Variants in ZNF608 observed in about 807,000 individuals in gnomAD.
ZNF608 encodes zinc finger protein 608.
In ZNF608, 12 loss-of-function variants were observed where a neutral mutation model predicts 109.0. The ratio of observed to expected loss-of-function variants is 0.11; its 90% CI spans 0.07 to 0.18. ZNF608 has a LOEUF of 0.18. Ranked by LOEUF, ZNF608 falls within the 10% of genes least tolerant of loss-of-function variation. The pLI is 1.00. For missense variants in ZNF608, 1,707 were observed against 1,879.3 expected (o/e 0.91, Z 1.70); for synonymous variants, 732 against 717.4 (o/e 1.02, Z -0.33).
At chr5:124,641,875 C>T (rs533972634) in intron 7 of ZNF608, among the ~76,000 whole-genome samples, 5 of 152,216 alleles carry the variant, frequency 3.3e-5, no homozygotes, top group East Asian at 1.9e-4. Flanking sequence ...AAGTTATATG[C>T]CAATATAAAG....
At chr5:124,654,724 TGTG>T (rs1434188641) in intron 3 of ZNF608, among the ~76,000 whole-genome samples, 1 of 152,220 alleles carries the variant, frequency 6.6e-6, no homozygotes. Flanking sequence ...AACTGATGAA[TGTG>T]GGCCACTTCC....
At position 124,649,712 on chromosome 5, in the gene ZNF608, G is replaced by A; in HGVS notation, c.1163-15C>T. 6.6e-7 allele frequency: 1 copy of A among 1,511,440 alleles called. No individual in the cohort carries two copies. Among genetic ancestry groups the A allele is most frequent in the Non-Finnish European group, 9.0e-7 (1 of 1,107,824 alleles). 93.6% of individuals were successfully genotyped at this position (1,511,440 alleles called of 1,614,324 possible). A position where few individuals can be genotyped will look rare whatever the true frequency, so the allele number is the denominator to read the frequency against. The stretch of plus-strand genomic sequence containing the variant: ...CACTAGGACACCTGCAGGAGGCAGG[G>A]GATGAAAAAGGATCATAGTTACCAC... On this transcript the variant is annotated splice_polypyrimidine_tract_variant and intron_variant, in intron 3 of 9. Transcript: ENST00000513986.
chr5:124,708,733 C>A (rs905811368), intron 2 of ZNF608: 3 of 456,170 alleles, frequency 6.6e-6, no homozygotes, highest in South Asian at 1.5e-5. Context: ...ACCAACCCTG[C>A]CCTCAAGTGC....
chr5:124,679,000 C>A (rs959487825), intron 3 of ZNF608, among the ~76,000 whole-genome samples: 1 of 152,182 alleles, frequency 6.6e-6, no homozygotes, highest in African/African-American at 2.4e-5. Context: ...GAAAACAATT[C>A]CACTGTGAGC....
In ZNF608 at chr5:124,644,649, T is replaced by C. The variant is rs746886767; in HGVS notation, c.3718A>G (p.Arg1240Gly). ...TGGTATACATAATGATGCCATGTTC[T>C]TGAATCTGGGTCCTGATTTTTTTGT... is the stretch of plus-strand genomic sequence containing the variant. ...TSRFKQDPDSRTWHHYVYQPK... is the reference protein window; with the variant it reads ...TSRFKQDPDSGTWHHYVYQPK... Residue 1240 changes from arginine to glycine, a missense_variant, in exon 6 of 10, where the codon AGA becomes GGA. Arg to Gly is a moderately radical substitution (Grantham distance 125). Around this residue, in one of 7 missense-constraint regions of ZNF608, gnomAD observed 1,073 missense variants for 1,133.5 expected, o/e 0.95. Coordinates refer to ENST00000513986, the MANE Select transcript of ZNF608 (RefSeq NM_020747.3). The C allele has an allele frequency of 3.9e-6, 6 of 1,542,356 alleles. No homozygotes were observed. In the South Asian group the frequency reaches 5.0e-5, roughly 13 times the overall value.
intron 3 of ZNF608, among the ~76,000 whole-genome samples, chr5:124,700,152 T>C (rs1299198468): frequency 6.6e-6 from 1 of 152,218 alleles, no homozygotes; most frequent in East Asian, 1.9e-4. Flanking sequence ...TGGAGCATGC[T>C]TCTTCCTTAT....
At chr5:124,665,179 CCA>C in intron 3 of ZNF608, among the ~76,000 whole-genome samples, 1 of 142,930 alleles carries the variant, frequency 7.0e-6, no homozygotes, top group Admixed American at 6.8e-5. Flanking sequence ...CCACCTCCCC[CCA>C]AAAAAAAAAA....
chr5:124,681,132 G>A (rs1752179538), intron 3 of ZNF608, among the ~76,000 whole-genome samples: 1 of 152,108 alleles, frequency 6.6e-6, no homozygotes, highest in Non-Finnish European at 1.5e-5. Context: ...TTCAACAAGA[G>A]GACCAAGCTC....
intron 3 of ZNF608, among the ~76,000 whole-genome samples, chr5:124,663,003 T>C (rs1460756746): frequency 1.3e-5 from 2 of 152,234 alleles, no homozygotes; most frequent in African/African-American, 4.8e-5. Context: ...GATTAGTATA[T>C]AGGGCAGGAA....
chr5:124,706,245 G>C (rs1023417459), intron 2 of ZNF608, among the ~76,000 whole-genome samples: 6 of 152,202 alleles, frequency 3.9e-5, no homozygotes, highest in Non-Finnish European at 8.8e-5. Flanking sequence ...TGGGGAATCA[G>C]TGCCTTCATC....
chr5:124,647,950 TTTTGTC>T lies in ZNF608; in HGVS notation c.2428_2433del (p.Asp810_Lys811del). The T allele has an allele frequency of 3.1e-6, 5 of 1,614,112 alleles. No homozygotes were observed. Among genetic ancestry groups the T allele is most frequent in the Non-Finnish European group, 4.2e-6 (5 of 1,180,012 alleles). ...TTTAGCTTTCGCTTCTCCTTTTTCTTTTTGTCTTTGAGTGACACCAGAGCTGGGTTC... is the reference window on the plus strand; with the variant it reads ...TTTAGCTTTCGCTTCTCCTTTTTCTTTTTGAGTGACACCAGAGCTGGGTTC... On this transcript the variant is annotated inframe_deletion, in exon 5 of 10. Transcript: ENST00000513986.
intron 3 of ZNF608, 147 bp downstream of exon 3, chr5:124,700,866 TA>T: frequency 4.5e-6 from 5 of 1,113,970 alleles, no homozygotes; most frequent in South Asian, 1.6e-5. Flanking sequence ...ACACGGCTCT[TA>T]CTTCCAACAC....
chr5:124,731,784 C>G (rs1171902890), intron 2 of ZNF608, among the ~76,000 whole-genome samples: 1 of 152,062 alleles, frequency 6.6e-6, no homozygotes, highest in African/African-American at 2.4e-5. Flanking sequence ...CGAGATCGTG[C>G]CACTGCACTC....
chr5:124,660,187 T>C (rs922215637), intron 3 of ZNF608, among the ~76,000 whole-genome samples: 7 of 146,832 alleles, frequency 4.8e-5, no homozygotes, highest in Non-Finnish European at 1.0e-4. Context: ...TGTGTGTGTG[T>C]GTGTGTGAGA....
At chr5:124,704,814 T>C (rs184813913) in intron 2 of ZNF608, among the ~76,000 whole-genome samples, 5 of 152,072 alleles carry the variant, frequency 3.3e-5, no homozygotes, top group Admixed American at 6.5e-5. Flanking sequence ...TAGCCCAACC[T>C]ACTCAGTCGA....
intron 2 of ZNF608, among the ~76,000 whole-genome samples, chr5:124,723,839 ATATT>A (rs1391634666): frequency 2.0e-5 from 3 of 152,230 alleles, no homozygotes; most frequent in African/African-American, 4.8e-5. Flanking sequence ...AAAAAATTAT[ATATT>A]TAATTATTAT....
chr5:124,654,193 A>T (rs1396556577), intron 3 of ZNF608, among the ~76,000 whole-genome samples: 1 of 148,892 alleles, frequency 6.7e-6, no homozygotes, highest in Admixed American at 6.7e-5. Flanking sequence ...TCTTTTTCCT[A>T]TTTTTTTTTA....
intron 8 of ZNF608, among the ~76,000 whole-genome samples, chr5:124,639,658 T>A (rs1424027959): frequency 6.6e-6 from 1 of 152,200 alleles, no homozygotes; most frequent in Non-Finnish European, 1.5e-5. Flanking sequence ...ATGCATCCCA[T>A]AAGATACACA....
upstream of ZNF608, chr5:124,746,861 G>T: frequency 1.2e-6 from 1 of 850,254 alleles, no homozygotes; most frequent in Non-Finnish European, 1.4e-6. Context: ...TGGGCAAGAG[G>T]AGAAAAAGAA....
Sources: allele counts gnomAD v4.1 joint callset (sites outside exome capture counted in the v4.1 genomes callset), GRCh38; gene constraint gnomAD v4.1.1; regional missense constraint gnomAD v4.1.1; transcripts MANE v1.5; gene names NCBI Gene and HGNC (gene_info 2026-07-23, HGNC 2026-07-21).